Variants in CERS3 observed in about 807,000 individuals in gnomAD.
CERS3 encodes the protein ceramide synthase 3.
In CERS3, 33 loss-of-function variants were observed where a neutral mutation model predicts 50.3. The observed-to-expected ratio is 0.66, with a 90% CI of 0.50 to 0.88. The LOEUF (loss-of-function observed/expected upper bound fraction) is 0.88. Among genes scored for constraint, CERS3 ranks in the 40% least tolerant of loss-of-function variants. The pLI is 0.00. For synonymous variants in CERS3, 176 were observed against 155.2 expected (o/e 1.13, Z -0.99); for missense variants, 470 against 460.3 (o/e 1.02, Z -0.19).
chr15:100,479,224 A>T (rs750797961), intron 7 of CERS3, among the ~76,000 whole-genome samples: 1 of 152,146 alleles, frequency 6.6e-6, no homozygotes, highest in Non-Finnish European at 1.5e-5. Context: ...TTTAAACCCA[A>T]ATATGTAATT....
chr15:100,532,087 T>C (rs1316380825), upstream of CERS3, among the ~76,000 whole-genome samples: 4 of 152,060 alleles, frequency 2.6e-5, no homozygotes, highest in East Asian at 1.9e-4. Flanking sequence ...GTAAGCCGGA[T>C]GCAGGAAAAT....
chr15:100,519,168 A>T (rs2036575137), intron 2 of CERS3, among the ~76,000 whole-genome samples: 1 of 152,080 alleles, frequency 6.6e-6, no homozygotes, highest in Non-Finnish European at 1.5e-5. Flanking sequence ...CAAAAAAAAA[A>T]AAAATCCGCC....
chr15:100,461,638 C>T (rs1031793036), intron 10 of CERS3, among the ~76,000 whole-genome samples: 13 of 152,186 alleles, frequency 8.5e-5, no homozygotes, highest in African/African-American at 2.9e-4. Flanking sequence ...CCACAACTAG[C>T]CCTCTCCTAC....
At chr15:100,465,018 C>T (rs968659573) in intron 10 of CERS3, among the ~76,000 whole-genome samples, 3 of 152,026 alleles carry the variant, frequency 2.0e-5, no homozygotes, top group Non-Finnish European at 4.4e-5. Context: ...AGAGAAAGGT[C>T]AAAGAAAGGG....
intron 11 of CERS3, among the ~76,000 whole-genome samples, chr15:100,451,664 G>A (rs1300118375): frequency 6.6e-6 from 1 of 152,060 alleles, no homozygotes; most frequent in Non-Finnish European, 1.5e-5. Flanking sequence ...CCAAGATCGT[G>A]CCTCTGCACT....
intron 3 of CERS3, among the ~76,000 whole-genome samples, chr15:100,499,610 A>T (rs2035937302): frequency 6.6e-6 from 1 of 152,226 alleles, no homozygotes; most frequent in South Asian, 2.1e-4. Flanking sequence ...CACTTCATAG[A>T]ATGAGAAGAT....
intron 11 of CERS3, among the ~76,000 whole-genome samples, chr15:100,411,097 C>G (rs895784197): frequency 2.1e-4 from 32 of 152,196 alleles, no homozygotes; most frequent in Non-Finnish European, 4.1e-4. Flanking sequence ...GCTTATTTCA[C>G]TTTGCATAAT....
intron 11 of CERS3, among the ~76,000 whole-genome samples, chr15:100,414,990 T>G (rs536108881): frequency 5.1e-4 from 77 of 152,126 alleles, no homozygotes; most frequent in African/African-American, 1.8e-3. Flanking sequence ...TAACGAGAGT[T>G]AACAGGCAAC....
intron 2 of CERS3, among the ~76,000 whole-genome samples, chr15:100,510,269 T>C (rs186633675): frequency 4.6e-4 from 70 of 151,894 alleles, no homozygotes; most frequent in African/African-American, 1.6e-3. Flanking sequence ...GCTATAACTG[T>C]AAAAAAACTG....
rs565270935 is a variant in CERS3 at position 100,450,044 on chromosome 15, C to G, written c.999+5849G>C. Among the ~76,000 whole-genome samples the G allele has an allele frequency of 5.3e-5, 8 of 151,550 alleles. No individual in the cohort carries two copies. The East Asian group carries it at 1.6e-3, about 30-fold the overall frequency. ...AGAGGTTTACCAAAGAGATAGAGAT[C>G]GTAAAAAAAAGAACCAAACAGAAAT... is the stretch of plus-strand genomic sequence containing the variant. On this transcript the variant is annotated intron_variant, in intron 11 of 11. Transcript: ENST00000679737.
chr15:100,445,164 G>A (rs201886750), intron 11 of CERS3, among the ~76,000 whole-genome samples: 65,700 of 146,946 alleles, frequency 0.45, 15,726 homozygotes, highest in East Asian at 0.59. Context: ...CTGTATAGAC[G>A]CTCCTTTTTA....
At chr15:100,416,034 G>T (rs903415187) in intron 11 of CERS3, among the ~76,000 whole-genome samples, 1 of 152,070 alleles carries the variant, frequency 6.6e-6, no homozygotes, top group Non-Finnish European at 1.5e-5. Flanking sequence ...GATAGGAAAA[G>T]TCAATATTGT....
chr15:100,456,211 A>C (rs1331082615), intron 10 of CERS3, among the ~76,000 whole-genome samples, 165 bp from the exon 11 acceptor site: 1 of 152,230 alleles, frequency 6.6e-6, no homozygotes, highest in East Asian at 1.9e-4. Flanking sequence ...CTTAAATATC[A>C]TTACTGGCAA....
chr15:100,416,677 T>C (rs1240242522), intron 11 of CERS3, among the ~76,000 whole-genome samples: 1 of 152,100 alleles, frequency 6.6e-6, no homozygotes, highest in African/African-American at 2.4e-5. Flanking sequence ...CCATCAGATC[T>C]CATGAGAACT....
chr15:100,515,757 G>T (rs577648397), intron 2 of CERS3, among the ~76,000 whole-genome samples: 1 of 152,262 alleles, frequency 6.6e-6, no homozygotes, highest in East Asian at 1.9e-4. Context: ...CCACCTTTTG[G>T]TTGTTCACTT....
At chr15:100,443,521 T>C (rs1340352168) in intron 11 of CERS3, among the ~76,000 whole-genome samples, 1 of 149,254 alleles carries the variant, frequency 6.7e-6, no homozygotes, top group Non-Finnish European at 1.5e-5. Context: ...CCATAATCCA[T>C]TATTGTGTTC....
chr15:100,541,277 G>C (rs996127107), intron 1 of CERS3, among the ~76,000 whole-genome samples: 3 of 152,182 alleles, frequency 2.0e-5, no homozygotes, highest in African/African-American at 7.2e-5. Context: ...TTTGAGACCA[G>C]CCTGACCAAC....
chr15:100,415,239 G>A lies in CERS3; in HGVS notation c.1000-12374C>T, dbSNP rs889788646. 3.4e-4 allele frequency among the ~76,000 whole-genome samples: 52 copies of A among 152,304 alleles called. 2 individuals carry two copies. Among genetic ancestry groups the A allele is most frequent in the Admixed American group, 2.4e-3 (36 of 15,302 alleles). On this transcript the variant is annotated intron_variant, in intron 11 of 11. Coordinates refer to ENST00000679737, the MANE Select transcript of CERS3 (RefSeq NM_001378789.1). ...CACAATGAGATACCATCTCACACCA[G>A]TCAGAATGGGGATTATTAAAAAGTC...
intron 9 of CERS3, among the ~76,000 whole-genome samples, chr15:100,470,810 TCA>T (rs2034945335): frequency 6.6e-6 from 1 of 152,012 alleles, no homozygotes; most frequent in African/African-American, 2.4e-5. Context: ...TCAAAGAAGG[TCA>T]CTTACGAGTG....
Sources: gnomAD v4.1 joint callset for allele counts (sites outside exome capture counted in the v4.1 genomes callset) on GRCh38, gnomAD v4.1.1 for gene constraint, MANE v1.5 for transcripts, NCBI Gene and HGNC (gene_info 2026-07-23, HGNC 2026-07-21) for gene names.